Variants in NBAS observed in about 807,000 individuals in gnomAD.
The protein encoded by NBAS is NBAS subunit of NRZ tethering complex, also known as NAG/BC035112 fusion.
A neutral mutation model predicts 302.5 loss-of-function variants in NBAS; 219 were observed. The observed-to-expected ratio is 0.72, with a 90% CI of 0.65 to 0.81. The LOEUF (loss-of-function observed/expected upper bound fraction) is 0.81, where lower values mean the gene tolerates loss of function less well. Ranked by LOEUF, NBAS falls within the 30% of genes least tolerant of loss-of-function variation. NBAS has a pLI of 0.00. For synonymous variants in NBAS, 1,118 were observed against 1,021.6 expected (o/e 1.09, Z -1.80); for missense variants, 2,932 against 2,841.6 (o/e 1.03, Z -0.72).
At chr2:15,445,218 C>T (rs1320565670) in intron 21 of NBAS, among the ~76,000 whole-genome samples, 29 of 149,428 alleles carry the variant, frequency 1.9e-4, no homozygotes, top group Admixed American at 1.3e-3. Context: ...ATGTTTATTG[C>T]GGCACTATTC....
the NBAS span, among the ~76,000 whole-genome samples, chr2:15,015,951 A>G: frequency 6.6e-6 from 1 of 152,200 alleles, no homozygotes; most frequent in Non-Finnish European, 1.5e-5. Flanking sequence ...CAAAATCAAC[A>G]TACAAAACTT....
chr2:14,965,138 A>G, the NBAS span, among the ~76,000 whole-genome samples: 10,150 of 152,156 alleles, frequency 0.067, 1,060 homozygotes, highest in African/African-American at 0.22. Flanking sequence ...AAAATGATGA[A>G]CAAATTAAGT....
the NBAS span, among the ~76,000 whole-genome samples, chr2:14,840,762 T>C: frequency 6.6e-6 from 1 of 151,986 alleles, no homozygotes; most frequent in Non-Finnish European, 1.5e-5. Flanking sequence ...ACAAGATCCA[T>C]CTTACAAGAA....
intron 22 of NBAS, 147 bp downstream of exon 22, chr2:15,427,564 T>C (rs1156595921): frequency 5.9e-6 from 4 of 681,192 alleles, no homozygotes; most frequent in Non-Finnish European, 1.0e-5. Context: ...CATAACTGAG[T>C]CAAAGGAGTT....
the NBAS span, among the ~76,000 whole-genome samples, chr2:15,144,069 C>CCTATATATATATATA: frequency 1.1e-5 from 1 of 89,368 alleles, no homozygotes; most frequent in Non-Finnish European, 2.3e-5. Flanking sequence ...ATATATATAT[C>CCTATATATATATATA]TCCCATTAGT....
chr2:15,166,060 G>C (rs948057878), downstream of NBAS, among the ~76,000 whole-genome samples: 3 of 152,158 alleles, frequency 2.0e-5, no homozygotes, highest in Non-Finnish European at 2.9e-5. Context: ...AGTCTCAGGG[G>C]GGGCGAAGTC....
At chr2:15,179,509 T>G (rs1392791151) in intron 50 of NBAS, 1 of 226,262 alleles carries the variant, frequency 4.4e-6, no homozygotes. Flanking sequence ...GAGAGAGAGT[T>G]TGTATTGATG....
the NBAS span, among the ~76,000 whole-genome samples, chr2:14,942,219 G>C: frequency 6.6e-6 from 1 of 152,178 alleles, no homozygotes; most frequent in African/African-American, 2.4e-5. Context: ...TTATCTAGAA[G>C]GCACCCTGAT....
At chr2:15,500,728 C>A (rs1220576987) in intron 11 of NBAS, among the ~76,000 whole-genome samples, 1 of 148,360 alleles carries the variant, frequency 6.7e-6, no homozygotes, top group East Asian at 2.1e-4. Flanking sequence ...GAGGAACATT[C>A]TGGCTAACAC....
chr2:14,968,244 A>T, the NBAS span, among the ~76,000 whole-genome samples: 1 of 152,242 alleles, frequency 6.6e-6, no homozygotes, highest in Non-Finnish European at 1.5e-5. Context: ...CACAGAATAT[A>T]TAAAGAACTC....
At chr2:14,982,217 C>A in the NBAS span, among the ~76,000 whole-genome samples, 2 of 152,162 alleles carry the variant, frequency 1.3e-5, no homozygotes, top group Non-Finnish European at 2.9e-5. Flanking sequence ...CAGCACCATC[C>A]CCCGGCTGTG....
At chr2:15,120,106 A>C in the NBAS span, among the ~76,000 whole-genome samples, 1 of 152,290 alleles carries the variant, frequency 6.6e-6, no homozygotes, top group East Asian at 1.9e-4. Flanking sequence ...GCCTTAAAAC[A>C]GGAAGTGTGG....
At chr2:14,846,208 A>AT in the NBAS span, among the ~76,000 whole-genome samples, 31 of 152,266 alleles carry the variant, frequency 2.0e-4, no homozygotes, top group African/African-American at 7.5e-4. Flanking sequence ...TCTGCCAGCC[A>AT]TTTTTTTCAG....
At chr2:15,468,122 A>ACTT (rs1428129465) in intron 17 of NBAS, among the ~76,000 whole-genome samples, 1 of 149,472 alleles carries the variant, frequency 6.7e-6, no homozygotes, top group Admixed American at 6.8e-5. Context: ...TATTTGAATC[A>ACTT]CTTCTACTTA....
intron 42 of NBAS, among the ~76,000 whole-genome samples, chr2:15,279,911 C>G (rs577814440): frequency 6.6e-6 from 1 of 152,194 alleles, no homozygotes; most frequent in South Asian, 2.1e-4. Context: ...GAAAAAAATT[C>G]CAAAGAACCC....
At chr2:14,840,652 T>A in the NBAS span, among the ~76,000 whole-genome samples, 5 of 151,714 alleles carry the variant, frequency 3.3e-5, no homozygotes, top group Non-Finnish European at 7.4e-5. Context: ...GAAAAAAAAA[T>A]TGTCATTCAA....
the NBAS span, among the ~76,000 whole-genome samples, chr2:15,073,853 C>A: frequency 6.6e-6 from 1 of 152,144 alleles, no homozygotes; most frequent in Non-Finnish European, 1.5e-5. Context: ...TCGTGTTAAT[C>A]GGCATTCAGG....
chr2:15,474,455 A>T lies in NBAS; in HGVS notation c.1342-131T>A, dbSNP rs114346825. 1,785 of 970,534 alleles carry T rather than the reference A, an allele frequency of 1.8e-3. 17 individuals carry two copies. The African/African-American group carries it at 0.019, about 10-fold the overall frequency. 60.1% of individuals were successfully genotyped at this position (970,534 alleles called of 1,614,324 possible). A position where few individuals can be genotyped will look rare whatever the true frequency, so the allele number is the denominator to read the frequency against. ...TAAATCAGCTATGTGATCAAGATTA[A>T]CAATGGAACTCAAAGGAACCTTACA... On this transcript the variant is annotated intron_variant, in intron 14 of 51. Coordinates refer to ENST00000281513, the MANE Select transcript of NBAS (RefSeq NM_015909.4).
At chr2:15,468,805 T>C (rs1679835170) in intron 16 of NBAS, among the ~76,000 whole-genome samples, 1 of 152,192 alleles carries the variant, frequency 6.6e-6, no homozygotes, top group South Asian at 2.1e-4. Flanking sequence ...TTTGGAAATA[T>C]AAAATGTTTC....
Sources: allele counts gnomAD v4.1 joint callset (sites outside exome capture counted in the v4.1 genomes callset), GRCh38; gene constraint gnomAD v4.1.1; transcripts MANE v1.5; gene names NCBI Gene and HGNC (gene_info 2026-07-23, HGNC 2026-07-21).